ZNF587: variants seen among roughly 807,000 people sequenced by gnomAD.
ZNF587 encodes zinc finger protein 587, also known as zinc finger protein zfp6.
ZNF587 carries 8 observed loss-of-function variants against 7.5 expected under a neutral mutation model. The ratio of observed to expected loss-of-function variants is 1.06; its 90% CI spans 0.62 to 1.92. ZNF587 has a LOEUF of 1.92. ZNF587 is among the 40% of genes most tolerant of loss of function. The pLI, the probability that ZNF587 is intolerant of heterozygous loss-of-function variation, is 0.00. For synonymous variants in ZNF587, 145 were observed against 237.8 expected, an observed-to-expected ratio of 0.61 and a Z score of 3.59; for missense variants, 468 against 692.8, an observed-to-expected ratio of 0.68 and a Z score of 3.64.
chr19:57,851,367 C>T (rs1184275360), intron 1 of ZNF587: 1 of 152,178 alleles, frequency 6.6e-6, no homozygotes, highest in Non-Finnish European at 1.5e-5. Flanking sequence ...AGAGTGAAAC[C>T]ATGAACTGAA....
chr19:57,858,049 C>A (rs1056664608), intron 2 of ZNF587: 5 of 158,658 alleles, frequency 3.2e-5, no homozygotes, highest in African/African-American at 9.8e-5. Flanking sequence ...TGCATATATG[C>A]TTGTGCTCTT....
chr19:57,852,976 CT>C (rs1422013308), intron 1 of ZNF587, among the ~76,000 whole-genome samples: 1 of 150,188 alleles, frequency 6.7e-6, no homozygotes, highest in African/African-American at 2.5e-5. Context: ...CCTCAGCCTC[CT>C]GAGTAGCTGG....
Position 57,858,603 on chromosome 19 carries a change from A to C in ZNF587, c.191A>C (p.Glu64Ala). The part of the protein sequence containing the change: ...LGCWCGSKDE[E>A]APCKQRISVQ... The stretch of plus-strand genomic sequence containing the variant: ...TGTTGGTGTGGATCAAAAGATGAGG[A>C]GGCACCTTGTAAGCAGAGAATTTCT... The change falls in exon 3 of 3, where the codon GAG (glutamate) becomes GCG (alanine). Residue 64 changes from glutamate (E) to alanine (A), a missense_variant. Physicochemically the swap from Glu to Ala is moderately radical, Grantham distance 107 (BLOSUM62 -1). Coordinates refer to ENST00000339656, the MANE Select transcript of ZNF587 (RefSeq NM_032828.4). 8.2e-6 allele frequency: 13 copies of C among 1,591,864 alleles called. No individual in the cohort carries two copies. Among genetic ancestry groups the C allele is most frequent in the South Asian group, 1.1e-5 (1 of 88,386 alleles).
In ZNF587 at chr19:57,860,114, A is replaced by G; in HGVS notation, c.1702A>G (p.Ser568Gly). The G allele has an allele frequency of 6.2e-7, 1 of 1,613,368 alleles. No homozygotes were observed. Among genetic ancestry groups the G allele is most frequent in the Non-Finnish European group, 8.5e-7 (1 of 1,179,400 alleles). ...QRSSTLLHHQ[S>G]SHRRKAL Reference sequence around the variant, plus strand: ...AAGCTCTACCCTCCTTCATCATCAGAGTTCACACAGGAGAAAGGCCTTATG... The same window carrying G: ...AAGCTCTACCCTCCTTCATCATCAGGGTTCACACAGGAGAAAGGCCTTATG... The change falls in exon 3 of 3, where the codon AGT becomes GGT. Residue 568 changes from serine to glycine, a missense_variant. Physicochemically the swap from Ser to Gly is moderately conservative, Grantham distance 56 (BLOSUM62 0). Transcript: ENST00000339656.
intron 2 of ZNF587, 154 bp from the exon 3 acceptor site, chr19:57,858,422 C>A: frequency 6.9e-7 from 1 of 1,447,634 alleles, no homozygotes; most frequent in Non-Finnish European, 9.2e-7. Context: ...CCACCATGCC[C>A]AGCCAGCAGC....
At chr19:57,854,338 A>G (rs3855667) in intron 1 of ZNF587, among the ~76,000 whole-genome samples, 15,782 of 149,492 alleles carry the variant, frequency 0.11, 1,193 homozygotes, top group African/African-American at 0.2. Flanking sequence ...GAGTCATTCC[A>G]GGAGACGTTC....
rs2071421903 is a variant in ZNF587 at position 57,860,645 on chromosome 19, G to A, written c.*505G>A. 6.1e-6 allele frequency: 1 copy of A among 164,986 alleles called. No individual in the cohort carries two copies. The highest frequency in any genetic ancestry group is 1.3e-5 in the Non-Finnish European group (1 of 75,262). The allele number at this position is 164,986 out of a possible 1,614,324, so 10.2% of individuals were successfully genotyped here. A position where few individuals can be genotyped will look rare whatever the true frequency, so the allele number is the denominator to read the frequency against. ...CTCATGCTTGTAAACCTGATGCTTT[G>A]GGAGGACAAGGTGGTTCATTGGAGG... On this transcript the variant is annotated 3_prime_UTR_variant, in exon 3 of 3. Coordinates refer to ENST00000339656, the MANE Select transcript of ZNF587 (RefSeq NM_032828.4).
In ZNF587 at chr19:57,857,322, T is replaced by G. The variant is rs192583896; in HGVS notation, c.163+1089T>G. The G allele has an allele frequency of 1.2e-4, 18 of 152,268 alleles. No homozygotes were observed. In the East Asian group the frequency reaches 3.1e-3, roughly 26 times the overall value. The allele number at this position is 152,268 out of a possible 1,614,324, so 9.4% of individuals were successfully genotyped here. A position where few individuals can be genotyped will look rare whatever the true frequency, so the allele number is the denominator to read the frequency against. On this transcript the variant is annotated intron_variant, in intron 2 of 2. Coordinates refer to ENST00000339656, the MANE Select transcript of ZNF587 (RefSeq NM_032828.4). Reference sequence around the variant, plus strand: ...GCAATATGAGTAGGCACACACTATTTGTCTTTTTCTCCCCATTGTTGAGAG... The same window carrying G: ...GCAATATGAGTAGGCACACACTATTGGTCTTTTTCTCCCCATTGTTGAGAG...
intron 2 of ZNF587, among the ~76,000 whole-genome samples, chr19:57,857,555 G>C (rs2071375211): frequency 6.6e-6 from 1 of 151,382 alleles, no homozygotes; most frequent in Admixed American, 6.6e-5. Context: ...TTGTACTCAT[G>C]TTTTCTTGGT....
At chr19:57,851,081 CTT>C (rs954143942) in intron 1 of ZNF587, 5 of 152,076 alleles carry the variant, frequency 3.3e-5, no homozygotes, top group African/African-American at 1.2e-4. Flanking sequence ...AATAAGGAGA[CTT>C]TTCTCCTCAG....
At chr19:57,856,500 C>T (rs1229614125) in intron 2 of ZNF587, among the ~76,000 whole-genome samples, 3 of 151,712 alleles carry the variant, frequency 2.0e-5, no homozygotes, top group Non-Finnish European at 4.4e-5. Flanking sequence ...CTCCACCTCC[C>T]GGGTTCATGC....
chr19:57,849,876 G>A lies in ZNF587; in HGVS notation c.-163G>A, dbSNP rs1172279120. The A allele has an allele frequency of 3.3e-6, 5 of 1,499,706 alleles. No individual in the cohort carries two copies. The South Asian group carries it at 5.2e-5, about 16-fold the overall frequency. 92.9% of individuals were successfully genotyped at this position (1,499,706 alleles called of 1,614,324 possible). ...GGGTCTCTAGTAGCGGCTGTGTATCGGCGATGCGGGTGTTTCCCCAGTTTG... is the reference window on the plus strand; with the variant it reads ...GGGTCTCTAGTAGCGGCTGTGTATCAGCGATGCGGGTGTTTCCCCAGTTTG... On this transcript the variant is annotated 5_prime_UTR_variant, in exon 1 of 3. Coordinates refer to ENST00000339656, the MANE Select transcript of ZNF587 (RefSeq NM_032828.4).
At position 57,856,101 on chromosome 19, in the gene ZNF587, TAGC is replaced by T. The variant is rs1172656969; in HGVS notation, c.34_36del (p.Gln12del). 6.2e-7 allele frequency: 1 copy of T among 1,612,494 alleles called. No homozygotes were observed. The stretch of plus-strand genomic sequence containing the variant: ...CTTGTGGTTTCATCTGTCACTATCA[TAGC>T]AGGGCACTGTGACCTTTGAAGATGT... On this transcript the variant is annotated splice_acceptor_variant and coding_sequence_variant, in exon 2 of 3. Coordinates refer to ENST00000339656, the MANE Select transcript of ZNF587 (RefSeq NM_032828.4). LOFTEE classifies it high-confidence loss of function.
rs1341791648 is a variant in ZNF587, at chr19:57,863,336, T to G, written c.*3196T>G. Reference sequence around the variant, plus strand: ...TTTCACCATGTTGGTCAGGCTGGTCTCAAACTCCTGACCTCGTGATCCACC... The same window carrying G: ...TTTCACCATGTTGGTCAGGCTGGTCGCAAACTCCTGACCTCGTGATCCACC... On this transcript the variant is annotated 3_prime_UTR_variant, in exon 3 of 3. Transcript: ENST00000339656. 1 of 152,366 alleles carries G rather than the reference T, an allele frequency of 6.6e-6. No individual in the cohort carries two copies. Among genetic ancestry groups the G allele is most frequent in the African/African-American group, 2.4e-5 (1 of 41,456 alleles). The allele number at this position is 152,366 out of a possible 1,614,324, so 9.4% of individuals were successfully genotyped here.
rs1175163984 is a variant in ZNF587 at position 57,864,615 on chromosome 19, AGT to A, written c.*4477_*4478del. On this transcript the variant is annotated 3_prime_UTR_variant, in exon 3 of 3. Transcript: ENST00000339656. ...GCACATACAGGCACATACATGAAATAGTGATACTTCATTCTCAGTAATATCTT... is the reference window on the plus strand; with the variant it reads ...GCACATACAGGCACATACATGAAATAGATACTTCATTCTCAGTAATATCTT... The A allele has an allele frequency of 6.6e-6, 1 of 152,192 alleles. No homozygotes were observed. Among genetic ancestry groups the A allele is most frequent in the Non-Finnish European group, 1.5e-5 (1 of 68,034 alleles). 9.4% of individuals were successfully genotyped at this position (152,192 alleles called of 1,614,324 possible).
At chr19:57,855,955 C>T (rs2071349910) in intron 1 of ZNF587, 149 bp from the exon 2 acceptor site, 2 of 1,365,700 alleles carry the variant, frequency 1.5e-6, no homozygotes, top group African/African-American at 1.5e-5. Context: ...CCAGCAGGCC[C>T]ATGAAGAGAC....
chr19:57,863,023 GC>G lies in ZNF587; in HGVS notation c.*2884del, dbSNP rs1395050245. The G allele has an allele frequency of 1.3e-5, 2 of 152,974 alleles. No homozygotes were observed. Among genetic ancestry groups the G allele is most frequent in the Non-Finnish European group, 2.9e-5 (2 of 68,246 alleles). The allele number at this position is 152,974 out of a possible 1,614,324, so 9.5% of individuals were successfully genotyped here. ...GCTGGAGTGCAGTGGCACGATCTCG[GC>G]TCACTGCAACTCCACCTCCCGGGTT... On this transcript the variant is annotated 3_prime_UTR_variant, in exon 3 of 3. Coordinates refer to ENST00000339656, the MANE Select transcript of ZNF587 (RefSeq NM_032828.4).
chr19:57,853,298 T>G (rs974731134), intron 1 of ZNF587, among the ~76,000 whole-genome samples: 3 of 152,204 alleles, frequency 2.0e-5, no homozygotes, highest in Non-Finnish European at 4.4e-5. Flanking sequence ...ACTGTGGATA[T>G]CCAGAGGGTT....
intron 1 of ZNF587, among the ~76,000 whole-genome samples, chr19:57,853,537 A>T (rs973993739): frequency 6.6e-6 from 1 of 152,126 alleles, no homozygotes; most frequent in Non-Finnish European, 1.5e-5. Context: ...TGAGGACTGG[A>T]TCTCTTACTT....
Sources: allele counts gnomAD v4.1 joint callset (sites outside exome capture counted in the v4.1 genomes callset), GRCh38; gene constraint gnomAD v4.1.1; transcripts MANE v1.5; gene names NCBI Gene and HGNC (gene_info 2026-07-23, HGNC 2026-07-21).